ALDH18A1: variants seen among roughly 807,000 people sequenced by gnomAD.
The protein encoded by ALDH18A1 is aldehyde dehydrogenase 18 family member A1.
Under a neutral mutation model 88.8 loss-of-function variants are expected in ALDH18A1, and 44 were observed. That is an observed-to-expected ratio of 0.50 (90% CI 0.39 to 0.64). The LOEUF is 0.64. Among genes scored for constraint, ALDH18A1 ranks in the 30% least tolerant of loss-of-function variants. ALDH18A1 has a pLI of 0.00. For synonymous variants in ALDH18A1, 331 were observed against 372.1 expected (o/e 0.89, Z 1.27); for missense variants, 782 against 1,009.5 (o/e 0.77, Z 3.05).
At position 95,609,769 on chromosome 10, in the gene ALDH18A1, A is replaced by AT. The variant is rs55659918; in HGVS notation, c.2206+427dup. Reference sequence around the variant, plus strand: ...CCTACCTTGCCAGAAGTCTGTCTCTATTTTTTTTTTTTTTTTGAGATGGTG... The same window carrying AT: ...CCTACCTTGCCAGAAGTCTGTCTCTATTTTTTTTTTTTTTTTTGAGATGGTG... On this transcript the variant is annotated intron_variant, in intron 17 of 17. Transcript: ENST00000371224. 9.0e-4 allele frequency among the ~76,000 whole-genome samples: 103 copies of AT among 114,208 alleles called. 7 individuals carry two copies. The Middle Eastern group carries it at 0.016, about 18-fold the overall frequency. 74.9% of individuals were successfully genotyped at this position (114,208 alleles called of 152,430 possible).
At chr10:95,645,871 G>A (rs2097900521) in intron 2 of ALDH18A1, among the ~76,000 whole-genome samples, 1 of 152,114 alleles carries the variant, frequency 6.6e-6, no homozygotes, top group South Asian at 2.1e-4. Context: ...GTTTTATGGA[G>A]TGCTACTTTC....
chr10:95,637,559 G>T, intron 3 of ALDH18A1, 123 bp from the exon 4 acceptor site: 12 of 1,167,518 alleles, frequency 1.0e-5, no homozygotes, highest in Non-Finnish European at 1.2e-5. Flanking sequence ...GAACCAGCAT[G>T]TGGCTGGCTC....
At chr10:95,619,027 G>T (rs950130441) in intron 12 of ALDH18A1, among the ~76,000 whole-genome samples, 3 of 151,798 alleles carry the variant, frequency 2.0e-5, no homozygotes, top group East Asian at 1.9e-4. Context: ...TCTTTTTTTT[G>T]GTTAAAAGAC....
intron 12 of ALDH18A1, 28 bp downstream of exon 12, chr10:95,621,003 T>G (rs777121189): frequency 4.4e-6 from 7 of 1,597,028 alleles, no homozygotes; most frequent in Non-Finnish European, 8.6e-7. Context: ...AATGGCAGGG[T>G]ATTTATTCTC....
At chr10:95,654,192 G>A (rs2097914513) in intron 1 of ALDH18A1, among the ~76,000 whole-genome samples, 1 of 147,288 alleles carries the variant, frequency 6.8e-6, no homozygotes, top group Non-Finnish European at 1.5e-5. Flanking sequence ...TTAAGATGGA[G>A]TCTTGTTCTG....
chr10:95,646,022 G>A (rs955395452), intron 2 of ALDH18A1, among the ~76,000 whole-genome samples: 1 of 152,204 alleles, frequency 6.6e-6, no homozygotes, highest in African/African-American at 2.4e-5. Flanking sequence ...CAGAGAGAAG[G>A]GTGGTGGAGG....
At chr10:95,633,694 C>G (rs1589534929) in intron 5 of ALDH18A1, 45 bp from the exon 6 acceptor site, 2 of 1,603,470 alleles carry the variant, frequency 1.2e-6, no homozygotes, top group African/African-American at 1.3e-5. Context: ...GAGAAAAACG[C>G]TAAACTTCCC....
At chr10:95,622,533 C>T (rs1362587367) in intron 11 of ALDH18A1, among the ~76,000 whole-genome samples, 1 of 151,644 alleles carries the variant, frequency 6.6e-6, no homozygotes, top group Non-Finnish European at 1.5e-5. Flanking sequence ...CAAGCTCATA[C>T]GCAGAATTTT....
At chr10:95,634,815 A>G (rs763190612) in intron 5 of ALDH18A1, among the ~76,000 whole-genome samples, 10 of 152,240 alleles carry the variant, frequency 6.6e-5, no homozygotes, top group Non-Finnish European at 1.0e-4. Flanking sequence ...CTAAATGGCA[A>G]CAAACCTTGA....
intron 1 of ALDH18A1, among the ~76,000 whole-genome samples, chr10:95,656,064 T>C (rs2097917546): frequency 6.6e-6 from 1 of 152,040 alleles, no homozygotes; most frequent in South Asian, 2.1e-4. Flanking sequence ...CAGAATGCCA[T>C]ACTGCAAAGG....
At position 95,621,207 on chromosome 10, in the gene ALDH18A1, A is replaced by T; in HGVS notation, c.1291T>A (p.Ser431Thr). Residue 431 changes from serine (S) to threonine (T), a missense_variant, in exon 12 of 18, where the codon TCC (serine) becomes ACC (threonine). Ser to Thr is a moderately conservative substitution (Grantham distance 58). This residue lies in a region of ALDH18A1 where 556 missense variants were observed against 654.5 expected (regional missense o/e 0.85). Transcript: ENST00000371224. ...CCGATGGCCAGGCTGTTCAATTTGG[A>T]TGTGGAGAGGCTTAAACGTTTCAGC... ...PLLKRLSLST[S>T]KLNSLAIGLR... The T allele has an allele frequency of 3.1e-6, 5 of 1,613,624 alleles. No homozygotes were observed. Among genetic ancestry groups the T allele is most frequent in the Non-Finnish European group, 4.2e-6 (5 of 1,179,812 alleles).
At chr10:95,640,022 C>T (rs997209393) in intron 3 of ALDH18A1, among the ~76,000 whole-genome samples, 1 of 151,850 alleles carries the variant, frequency 6.6e-6, no homozygotes, top group Non-Finnish European at 1.5e-5. Flanking sequence ...ATGTTAGCAT[C>T]TGTTGATGAT....
At chr10:95,613,928 T>A (rs2097840215) in intron 14 of ALDH18A1, 38 bp downstream of exon 14, 1 of 1,614,222 alleles carries the variant, frequency 6.2e-7, no homozygotes, top group East Asian at 2.2e-5. Context: ...GGATGTAATA[T>A]TTCTCCGTTG....
intron 1 of ALDH18A1, among the ~76,000 whole-genome samples, chr10:95,655,416 C>T (rs1045635452): frequency 1.3e-5 from 2 of 152,078 alleles, no homozygotes; most frequent in African/African-American, 4.8e-5. Context: ...CCTTAATTTC[C>T]TTCAAGACCC....
At chr10:95,610,443 A>C in intron 16 of ALDH18A1, 151 bp from the exon 17 acceptor site, 1 of 699,700 alleles carries the variant, frequency 1.4e-6, no homozygotes. Context: ...CAGGCTTATG[A>C]AAAATCTCAA....
At chr10:95,653,453 A>G (rs1045916304) in intron 1 of ALDH18A1, 48 bp from the exon 2 acceptor site, 2 of 1,458,342 alleles carry the variant, frequency 1.4e-6, no homozygotes, top group African/African-American at 2.8e-5. Flanking sequence ...ATACTGGACA[A>G]TTCATTTTAT....
chr10:95,606,873 A>G lies in ALDH18A1; in HGVS notation c.2277T>C (p.Thr759=). The change falls in exon 18 of 18, where the codon ACT becomes ACC. Residue 759 remains threonine (T), a synonymous_variant. Coordinates refer to ENST00000371224, the MANE Select transcript of ALDH18A1 (RefSeq NM_002860.4). ...CCTTCCCTCGCAGCAGCCACTTAGT[A>G]GTAAGCAGTCCCTCAAGTCCTACTG... ...RGPVGLEGLL[T]TKWLLRGKDH... is the part of the protein sequence containing the mutation. 6.2e-7 allele frequency: 1 copy of G among 1,614,200 alleles called. No homozygotes were observed. The highest frequency in any genetic ancestry group is 1.1e-5 in the South Asian group (1 of 91,088).
At chr10:95,627,323 T>C in intron 9 of ALDH18A1, 119 bp downstream of exon 9, 4 of 1,384,078 alleles carry the variant, frequency 2.9e-6, no homozygotes, top group East Asian at 2.3e-5. Flanking sequence ...ATTTTGCAAA[T>C]AGCGTTCAAA....
At chr10:95,630,787 C>G (rs1455307306) in intron 7 of ALDH18A1, among the ~76,000 whole-genome samples, 18 of 152,194 alleles carry the variant, frequency 1.2e-4, no homozygotes, top group Admixed American at 1.2e-3. Flanking sequence ...GTGGCTCACA[C>G]TTACCCCAAC....
Sources: gnomAD v4.1 joint callset for allele counts (sites outside exome capture counted in the v4.1 genomes callset) on GRCh38, gnomAD v4.1.1 for gene constraint, gnomAD v4.1.1 regional missense constraint, MANE v1.5 for transcripts, NCBI Gene and HGNC (gene_info 2026-07-23, HGNC 2026-07-21) for gene names.